Variants in ITGB2 observed in about 807,000 individuals in gnomAD.
The protein encoded by ITGB2 is integrin subunit beta 2.
A neutral mutation model predicts 86.8 loss-of-function variants in ITGB2; 56 were observed. That is an observed-to-expected ratio of 0.65 (90% confidence interval 0.52 to 0.81). ITGB2 has a LOEUF of 0.81. Ranked by LOEUF, ITGB2 falls within the 30% of genes least tolerant of loss-of-function variation. ITGB2 has a pLI of 0.00. For synonymous variants in ITGB2, 457 were observed against 450.4 expected (o/e 1.01, Z -0.19); for missense variants, 948 against 1,061.2 (o/e 0.89, Z 1.48).
intron 1 of ITGB2, among the ~76,000 whole-genome samples, chr21:44,927,336 A>G (rs946758493): frequency 3.1e-4 from 47 of 152,116 alleles, no homozygotes; most frequent in African/African-American, 9.9e-4. Flanking sequence ...CAGGTCAGTG[A>G]GGTTCATAAG....
intron 8 of ITGB2, among the ~76,000 whole-genome samples, chr21:44,898,162 G>A (rs1216533316): frequency 6.6e-6 from 1 of 152,156 alleles, no homozygotes; most frequent in African/African-American, 2.4e-5. Flanking sequence ...AGAGACTGAG[G>A]TCAGCCATGG....
At position 44,889,440 on chromosome 21, in the gene ITGB2, T is replaced by C; in HGVS notation, c.1713A>G (p.Ser571=). 1 of 1,607,052 alleles carries C rather than the reference T, an allele frequency of 6.2e-7. No homozygotes were observed. Among genetic ancestry groups the C allele is most frequent in the East Asian group, 2.2e-5 (1 of 44,498 alleles). The change falls in exon 13 of 16, where the codon TCA becomes TCG. Residue 571 remains serine, a synonymous_variant. Transcript: ENST00000652462. ...CAGTGGTCCTCTCGCACTGGCACGC[T>C]GAGCCCTCAAAGCCCGGGTGGCAGC... The part of the protein sequence containing the change: ...KCRCHPGFEG[S]ACQCERTTEG...
chr21:44,888,988 C>A (rs1008049887), intron 13 of ITGB2, 93 bp from the exon 14 acceptor site: 4 of 1,174,464 alleles, frequency 3.4e-6, no homozygotes, highest in Admixed American at 2.0e-5. Flanking sequence ...CCAGGGGGGG[C>A]AGGTGGGGTT....
chr21:44,893,083 C>A (rs2083813893), intron 10 of ITGB2: 3 of 353,550 alleles, frequency 8.5e-6, no homozygotes, highest in South Asian at 4.6e-5. Context: ...CCTCCCAGCA[C>A]CCTCTCACTG....
Position 44,901,558 on chromosome 21 carries a change from C to T in ITGB2, c.675G>A (p.Leu225=). The part of the protein sequence containing the change: ...NQFQTEVGKQ[L]ISGNLDAPEG... ...CGGGTGCATCCAGGTTTCCGGAAAT[C>T]AGCTGCTTCCCGACCTCGGTCTGAA... The change falls in exon 6 of 16, where the codon CTG becomes CTA. Residue 225 remains leucine (L), a synonymous_variant. Coordinates refer to ENST00000652462, the MANE Select transcript of ITGB2 (RefSeq NM_000211.5). 6.2e-7 allele frequency: 1 copy of T among 1,614,284 alleles called. No homozygotes were observed. Among genetic ancestry groups the T allele is most frequent in the Non-Finnish European group, 8.5e-7 (1 of 1,180,054 alleles).
At chr21:44,892,894 A>AATG (rs1191927498) in intron 10 of ITGB2, 1 of 171,814 alleles carries the variant, frequency 5.8e-6, no homozygotes, top group Admixed American at 5.5e-5. Flanking sequence ...AAACACGCAG[A>AATG]AAATCATGAC....
In ITGB2 at chr21:44,889,114, C is replaced by T. The variant is rs973976685; in HGVS notation, c.1877+162G>A. ...GTGCGCACAGGAGGGAGGAGGGACA[C>T]AGGGGCACGGCGGCCGCGGAGGGCC... On this transcript the variant is annotated intron_variant, in intron 13 of 15. Coordinates refer to ENST00000652462, the MANE Select transcript of ITGB2 (RefSeq NM_000211.5). The T allele has an allele frequency of 5.4e-6, 4 of 740,928 alleles. No homozygotes were observed. In the Admixed American group the frequency reaches 6.7e-5, roughly 12 times the overall value. 45.9% of individuals were successfully genotyped at this position (740,928 alleles called of 1,614,324 possible). A position where few individuals can be genotyped will look rare whatever the true frequency, so the allele number is the denominator to read the frequency against.
intron 1 of ITGB2, chr21:44,914,433 CT>C (rs765694154): frequency 1.3e-5 from 2 of 152,450 alleles, no homozygotes; most frequent in Non-Finnish European, 2.9e-5. Context: ...CGGAGAACCC[CT>C]CAGGGGCCGG....
At chr21:44,926,280 ATCTGATGT>A (rs1292161818) in intron 1 of ITGB2, among the ~76,000 whole-genome samples, 2 of 152,140 alleles carry the variant, frequency 1.3e-5, no homozygotes, top group Non-Finnish European at 2.9e-5. Flanking sequence ...ACTATCCCCC[ATCTGATGT>A]GCCTGTTGCA....
chr21:44,891,678 G>A, intron 11 of ITGB2, 131 bp downstream of exon 11: 1 of 1,034,090 alleles, frequency 9.7e-7, no homozygotes, highest in Non-Finnish European at 1.4e-6. Flanking sequence ...CCTGCAGAAG[G>A]GGGCCCCCAG....
chr21:44,909,065 A>C (rs2084089159), intron 3 of ITGB2, among the ~76,000 whole-genome samples: 1 of 152,164 alleles, frequency 6.6e-6, no homozygotes, highest in African/African-American at 2.4e-5. Context: ...CCAGCACGGC[A>C]CCAATCTGCA....
chr21:44,889,190 T>C (rs1387989725), intron 13 of ITGB2, 86 bp downstream of exon 13: 4 of 1,349,842 alleles, frequency 3.0e-6, no homozygotes, highest in South Asian at 2.4e-5. Context: ...AGGTGCTCAC[T>C]GGGGTCCCCG....
intron 5 of ITGB2, among the ~76,000 whole-genome samples, chr21:44,902,463 G>A (rs1355960611): frequency 6.6e-6 from 1 of 152,064 alleles, no homozygotes; most frequent in Non-Finnish European, 1.5e-5. Context: ...ACATTCATGT[G>A]TGAGCATACA....
At chr21:44,886,553 CCCCCCAGGGT>C in intron 15 of ITGB2, 123 bp from the exon 16 acceptor site, 1 of 1,397,820 alleles carries the variant, frequency 7.2e-7, no homozygotes. Flanking sequence ...GTGGGGCAGC[CCCCCCAGGGT>C]CCCAGCACCG....
At chr21:44,895,316 G>A (rs2083849680) in intron 8 of ITGB2, among the ~76,000 whole-genome samples, 1 of 152,168 alleles carries the variant, frequency 6.6e-6, no homozygotes, top group African/African-American at 2.4e-5. Flanking sequence ...GATTGCCTGA[G>A]CCCAGGAGTT....
intron 3 of ITGB2, among the ~76,000 whole-genome samples, chr21:44,907,393 G>T (rs1414675744): frequency 3.9e-5 from 6 of 152,218 alleles, no homozygotes; most frequent in Non-Finnish European, 7.3e-5. Flanking sequence ...AAGAGGAGAG[G>T]CCTCAGCGTC....
intron 13 of ITGB2, 183 bp from the exon 14 acceptor site, chr21:44,889,078 G>A (rs1369888051): frequency 1.4e-6 from 1 of 699,744 alleles, no homozygotes; most frequent in Non-Finnish European, 2.4e-6. Flanking sequence ...TGATCCCAGG[G>A]CCCGCGGCAG....
At chr21:44,903,564 C>A (rs759168961) in intron 4 of ITGB2, 29 bp from the exon 5 acceptor site, 1 of 1,613,376 alleles carries the variant, frequency 6.2e-7, no homozygotes, top group Non-Finnish European at 8.5e-7. Context: ...CAAAAGGAGC[C>A]ACACCTCACA....
chr21:44,908,648 GCTGACACTC>G lies in ITGB2; in HGVS notation c.148-1562_148-1554del, dbSNP rs377028964. On this transcript the variant is annotated intron_variant, in intron 3 of 15. Transcript: ENST00000652462. ...AGCTCGGCTCTTAAGACGCAAGTCT[GCTGACACTC>G]CTGGCCAAATAAAGCCCTTCCTTCT... Among the ~76,000 whole-genome samples, 1,298 of 152,286 alleles carry G rather than the reference GCTGACACTC, an allele frequency of 8.5e-3. 16 individuals are homozygous for G. The highest frequency in any genetic ancestry group is 0.029 in the African/African-American group (1,218 of 41,546).
Sources: gnomAD v4.1 joint callset for allele counts (sites outside exome capture counted in the v4.1 genomes callset) on GRCh38, gnomAD v4.1.1 for gene constraint, MANE v1.5 for transcripts, NCBI Gene and HGNC (gene_info 2026-07-23, HGNC 2026-07-21) for gene names.